Variants in PLA2G12B observed in about 807,000 individuals in gnomAD.
The protein encoded by PLA2G12B is phospholipase A2 group XIIB.
In PLA2G12B, 19 loss-of-function variants were observed where a neutral mutation model predicts 22.3. The observed-to-expected ratio is 0.85, with a 90% CI of 0.60 to 1.25. The LOEUF is 1.25. Among genes scored for constraint, PLA2G12B ranks in the 50% most tolerant of loss-of-function variants. The pLI is 0.00. For missense variants in PLA2G12B, 191 were observed against 246.6 expected, an observed-to-expected ratio of 0.77 and a Z score of 1.51; for synonymous variants, 81 against 94.9, an observed-to-expected ratio of 0.85 and a Z score of 0.85.
At chr10:72,937,885 G>A (rs1024556615) in intron 3 of PLA2G12B, among the ~76,000 whole-genome samples, 5 of 152,076 alleles carry the variant, frequency 3.3e-5, no homozygotes, top group Admixed American at 2.6e-4. Context: ...TGTAATCCTA[G>A]CACTTTGGGA....
intron 3 of PLA2G12B, among the ~76,000 whole-genome samples, chr10:72,940,879 CA>C (rs759876268): frequency 2.2e-4 from 33 of 151,670 alleles, no homozygotes; most frequent in Non-Finnish European, 4.4e-4. Flanking sequence ...GCCAGTTGGG[CA>C]ATTCCTTCTC....
At chr10:72,945,199 T>G (rs1382615892) in intron 1 of PLA2G12B, among the ~76,000 whole-genome samples, 1 of 152,224 alleles carries the variant, frequency 6.6e-6, no homozygotes, top group African/African-American at 2.4e-5. Flanking sequence ...GGTATTCACC[T>G]CCTTGTATAT....
chr10:72,951,434 T>C (rs373526316), intron 1 of PLA2G12B, among the ~76,000 whole-genome samples: 1 of 151,754 alleles, frequency 6.6e-6, no homozygotes, highest in African/African-American at 2.4e-5. Context: ...GAAATCTTGT[T>C]TGCATTGGCA....
At chr10:72,941,791 A>G (rs1208431153) in intron 2 of PLA2G12B, among the ~76,000 whole-genome samples, 3 of 151,672 alleles carry the variant, frequency 2.0e-5, no homozygotes, top group African/African-American at 7.3e-5. Context: ...AGCATCCCAG[A>G]CAGCACTATT....
chr10:72,951,320 G>A (rs1186919313), intron 1 of PLA2G12B, among the ~76,000 whole-genome samples: 2 of 152,062 alleles, frequency 1.3e-5, no homozygotes, highest in African/African-American at 4.8e-5. Context: ...CTGGTTCAAA[G>A]ACTACCCATT....
chr10:72,943,989 CCTTT>C (rs574955398), intron 1 of PLA2G12B, among the ~76,000 whole-genome samples: 80 of 151,598 alleles, frequency 5.3e-4, no homozygotes, highest in East Asian at 2.7e-3. Context: ...TTTCTTTCTT[CCTTT>C]CTTTCTTTTT....
intron 1 of PLA2G12B, among the ~76,000 whole-genome samples, chr10:72,948,087 G>A (rs1013798219): frequency 6.6e-6 from 1 of 152,156 alleles, no homozygotes; most frequent in Admixed American, 6.6e-5. Context: ...TGTTGTTCAG[G>A]CTGGTCTCAA....
At chr10:72,944,282 G>A (rs1320009822) in intron 1 of PLA2G12B, among the ~76,000 whole-genome samples, 1 of 152,082 alleles carries the variant, frequency 6.6e-6, no homozygotes, top group Non-Finnish European at 1.5e-5. Context: ...GACAGTTCAA[G>A]TACAGGTTCA....
In PLA2G12B at chr10:72,954,731, G is replaced by C. The variant is rs1475465379; in HGVS notation, c.-46C>G. On this transcript the variant is annotated 5_prime_UTR_variant, in exon 1 of 4. Transcript: ENST00000373032. ...GGCTTCTCTCCTCAAACCCCAGCCA[G>C]TGTCCCAGAATTCCAGGGACAAACC... The C allele has an allele frequency of 1.9e-6, 3 of 1,599,258 alleles. No homozygotes were observed. Among genetic ancestry groups the C allele is most frequent in the South Asian group, 2.2e-5 (2 of 90,690 alleles).
At chr10:72,936,983 G>A (rs1846288359) in intron 3 of PLA2G12B, among the ~76,000 whole-genome samples, 1 of 152,102 alleles carries the variant, frequency 6.6e-6, no homozygotes. Context: ...GGCAGATCAC[G>A]AGGTCAGGAG....
chr10:72,954,005 C>A (rs2132984768), intron 1 of PLA2G12B, among the ~76,000 whole-genome samples: 1 of 152,334 alleles, frequency 6.6e-6, no homozygotes, highest in Middle Eastern at 3.4e-3. Context: ...GAGCACAGAG[C>A]AGCTGAGGAG....
intron 3 of PLA2G12B, among the ~76,000 whole-genome samples, chr10:72,938,585 A>G (rs1294115629): frequency 6.6e-6 from 1 of 152,242 alleles, no homozygotes; most frequent in Non-Finnish European, 1.5e-5. Context: ...ACATTTCAAT[A>G]ACATTAAAAA....
At chr10:72,937,084 G>A (rs955746281) in intron 3 of PLA2G12B, among the ~76,000 whole-genome samples, 8 of 152,084 alleles carry the variant, frequency 5.3e-5, no homozygotes, top group South Asian at 2.1e-4. Context: ...GGTGGCGGGC[G>A]CCTGTAGTCC....
intron 2 of PLA2G12B, among the ~76,000 whole-genome samples, chr10:72,941,778 A>G (rs1846365325): frequency 6.6e-6 from 1 of 151,972 alleles, no homozygotes; most frequent in African/African-American, 2.4e-5. Context: ...TCAAAAGATC[A>G]CCAGCATCCC....
chr10:72,943,484 A>G (rs1176265277), intron 1 of PLA2G12B, among the ~76,000 whole-genome samples: 1 of 152,226 alleles, frequency 6.6e-6, no homozygotes, highest in Non-Finnish European at 1.5e-5. Context: ...TTCAAGCAAG[A>G]TTCCATAAAC....
At chr10:72,944,837 T>C (rs1241754896) in intron 1 of PLA2G12B, among the ~76,000 whole-genome samples, 1 of 152,190 alleles carries the variant, frequency 6.6e-6, no homozygotes, top group Non-Finnish European at 1.5e-5. Flanking sequence ...AGATGGCATT[T>C]CAGCCAACAC....
intron 1 of PLA2G12B, among the ~76,000 whole-genome samples, chr10:72,944,532 A>G (rs530464991): frequency 6.6e-6 from 1 of 152,310 alleles, no homozygotes; most frequent in South Asian, 2.1e-4. Flanking sequence ...TTTGGAGACA[A>G]CTGCCTTTCT....
In PLA2G12B at chr10:72,935,411, T is replaced by G; in HGVS notation, c.*206A>C. On this transcript the variant is annotated 3_prime_UTR_variant, in exon 4 of 4. Coordinates refer to ENST00000373032, the MANE Select transcript of PLA2G12B (RefSeq NM_032562.5). ...GGGGAGAGCAGTCTTAAATGAAGAG[T>G]AGCTTTCAAACCACTCCATGTCTTT... 3.2e-6 allele frequency: 2 copies of G among 630,744 alleles called. No homozygotes were observed. Among genetic ancestry groups the G allele is most frequent in the South Asian group, 5.5e-5 (2 of 36,534 alleles). The allele number at this position is 630,744 out of a possible 1,614,324, so 39.1% of individuals were successfully genotyped here.
Position 72,952,195 on chromosome 10 carries a change from T to C in PLA2G12B, c.211+2280A>G, listed in dbSNP as rs549174510. On this transcript the variant is annotated intron_variant, in intron 1 of 3. Coordinates refer to ENST00000373032, the MANE Select transcript of PLA2G12B (RefSeq NM_032562.5). The stretch of plus-strand genomic sequence containing the variant: ...ACTGTTTTAAATAGTAGTTAGTACC[T>C]ATCAAAGGTAAAATCTGGCTGGTGC... Among the ~76,000 whole-genome samples, 6 of 152,334 alleles carry C rather than the reference T, an allele frequency of 3.9e-5. No individual in the cohort carries two copies. The East Asian group carries it at 1.2e-3, about 29-fold the overall frequency.
Sources: gnomAD v4.1 joint callset for allele counts (sites outside exome capture counted in the v4.1 genomes callset) on GRCh38, gnomAD v4.1.1 for gene constraint, MANE v1.5 for transcripts, NCBI Gene and HGNC (gene_info 2026-07-23, HGNC 2026-07-21) for gene names.